The following SLC19A1 variants were observed in gnomAD, a reference collection of about 807,000 sequenced individuals.
The protein encoded by SLC19A1 is reduced folate transporter.
SLC19A1 carries 37 observed loss-of-function variants against 35.3 expected under a neutral mutation model. The ratio of observed to expected loss-of-function variants is 1.05; its 90% CI spans 0.81 to 1.38. SLC19A1 has a LOEUF of 1.38. Among genes scored for constraint, SLC19A1 ranks in the 40% most tolerant of loss-of-function variants. The pLI is 0.00. For missense variants in SLC19A1, 831 were observed against 826.9 expected, an observed-to-expected ratio of 1.00 and a Z score of -0.06; for synonymous variants, 460 against 398.5, an observed-to-expected ratio of 1.15 and a Z score of -1.84.
intron 1 of SLC19A1, among the ~76,000 whole-genome samples, chr21:45,561,413 G>A (rs1377128492): frequency 6.6e-6 from 1 of 152,198 alleles, no homozygotes; most frequent in East Asian, 1.9e-4. Context: ...GTCTCCCGGT[G>A]TTCCCACTCC....
intron 3 of SLC19A1, chr21:45,506,046 C>T (rs2037185116): frequency 1.2e-6 from 2 of 1,605,302 alleles, no homozygotes; most frequent in East Asian, 2.2e-5. Flanking sequence ...GCGAGAGGCT[C>T]AGGCCCCGGA....
chr21:45,560,335 G>A (rs371877574), intron 1 of SLC19A1, among the ~76,000 whole-genome samples: 1 of 149,684 alleles, frequency 6.7e-6, no homozygotes, highest in Admixed American at 6.7e-5. Context: ...CAGGCAAAGC[G>A]CACTGGGTGC....
In SLC19A1 at chr21:45,534,832, G is replaced by T; in HGVS notation, c.190-2684C>A. Reference sequence around the variant, plus strand: ...TCACAACGGTCCCAGCAGGGAGGTGGCATCTGTCAGGCGGCCACGACTCTG... The same window carrying T: ...TCACAACGGTCCCAGCAGGGAGGTGTCATCTGTCAGGCGGCCACGACTCTG... On this transcript the variant is annotated intron_variant, in intron 2 of 5. Coordinates refer to ENST00000311124, the MANE Select transcript of SLC19A1 (RefSeq NM_194255.4). This position sits in a 1 kb window ranked among gnomAD's most constrained non-coding sequence, Gnocchi z 4.2. 1.8e-6 allele frequency: 1 copy of T among 566,212 alleles called. No individual in the cohort carries two copies. Among genetic ancestry groups the T allele is most frequent in the Non-Finnish European group, 3.2e-6 (1 of 316,618 alleles). The allele number at this position is 566,212 out of a possible 1,614,324, so 35.1% of individuals were successfully genotyped here. A position where few individuals can be genotyped will look rare whatever the true frequency, so the allele number is the denominator to read the frequency against.
chr21:45,511,979 A>C (rs1354436309), downstream of SLC19A1, among the ~76,000 whole-genome samples: 3 of 152,078 alleles, frequency 2.0e-5, no homozygotes, highest in Admixed American at 6.5e-5. Context: ...TGTCTGGCAG[A>C]AGCAGCATGG....
chr21:45,507,673 A>C (rs1376833419), downstream of SLC19A1: 5 of 1,365,866 alleles, frequency 3.7e-6, no homozygotes, highest in Non-Finnish European at 3.1e-6. Flanking sequence ...TTGAGGAACA[A>C]CACGTGGTCC....
At chr21:45,503,078 A>C (rs1194171216) in intron 3 of SLC19A1, 1 of 152,198 alleles carries the variant, frequency 6.6e-6, no homozygotes. Flanking sequence ...TCCTTTGTGT[A>C]TATACCCAGT....
chr21:45,511,119 G>A (rs372684121), downstream of SLC19A1: 254 of 1,566,076 alleles, frequency 1.6e-4, no homozygotes, highest in Middle Eastern at 8.3e-4. Flanking sequence ...AGGACGAGCT[G>A]CTGTTTCCCA....
downstream of SLC19A1, among the ~76,000 whole-genome samples, chr21:45,508,392 G>A (rs2037365837): frequency 6.6e-6 from 1 of 150,832 alleles, no homozygotes; most frequent in Non-Finnish European, 1.5e-5. Context: ...TGGGCAGATG[G>A]ATGGTGGATA....
rs550351784 is a variant in SLC19A1 at position 45,514,951 on chromosome 21, G to A, written c.*707C>T. ...CAGTCCCCTCCGGGCTGGCACAAGTGTGGGAGCAGCTGAGGACCCGCAGGT... is the reference window on the plus strand; with the variant it reads ...CAGTCCCCTCCGGGCTGGCACAAGTATGGGAGCAGCTGAGGACCCGCAGGT... On this transcript the variant is annotated 3_prime_UTR_variant, in exon 6 of 6. Transcript: ENST00000311124. The A allele has an allele frequency of 5.3e-5, 78 of 1,462,570 alleles. No individual in the cohort carries two copies. The Middle Eastern group carries it at 8.9e-4, about 17-fold the overall frequency. The allele number at this position is 1,462,570 out of a possible 1,614,324, so 90.6% of individuals were successfully genotyped here. A position where few individuals can be genotyped will look rare whatever the true frequency, so the allele number is the denominator to read the frequency against.
In SLC19A1 at chr21:45,532,141, T is replaced by C; in HGVS notation, c.197A>G (p.Asn66Ser). 1 of 1,596,378 alleles carries C rather than the reference T, an allele frequency of 6.3e-7. No individual in the cohort carries two copies. The highest frequency in any genetic ancestry group is 8.6e-7 in the Non-Finnish European group (1 of 1,168,756). The change falls in exon 3 of 6, where the codon AAC becomes AGC. Residue 66 changes from asparagine to serine, a missense_variant. Asn to Ser is a conservative substitution (Grantham distance 46). Transcript: ENST00000311124. ...GTACGACAGCACCGGCGTGATCTCG[T>C]TCGTGACCTGCGGACAGGCGGGCGT... ...DKNFTREQVTNEITPVLSYSY... is the reference protein window; with the variant it reads ...DKNFTREQVTSEITPVLSYSY...
intron 3 of SLC19A1, chr21:45,505,155 C>CG: frequency 6.2e-7 from 1 of 1,608,844 alleles, no homozygotes; most frequent in Non-Finnish European, 8.5e-7. Flanking sequence ...AGAGAGCATC[C>CG]GGGGCCAGCC....
downstream of SLC19A1, chr21:45,512,270 G>A: frequency 1.9e-6 from 3 of 1,611,880 alleles, no homozygotes; most frequent in Non-Finnish European, 1.7e-6. Context: ...GCGGACGGAG[G>A]CTCCCTCGGC....
chr21:45,531,349 C>A, intron 3 of SLC19A1, 40 bp downstream of exon 3: 11 of 1,540,462 alleles, frequency 7.1e-6, no homozygotes, highest in Non-Finnish European at 9.6e-6. Context: ...GGACGGGAAG[C>A]CTCTGCGGGA....
chr21:45,510,414 G>T (rs2037510462), downstream of SLC19A1, among the ~76,000 whole-genome samples: 1 of 152,164 alleles, frequency 6.6e-6, no homozygotes. Flanking sequence ...CAGGCTCCGG[G>T]TGGGTCACAC....
chr21:45,543,787 C>T (rs2078379247), upstream of SLC19A1: 1 of 152,394 alleles, frequency 6.6e-6, no homozygotes, highest in Non-Finnish European at 1.5e-5. Flanking sequence ...CTGGAGGGAC[C>T]CCCTGCTTTG....
At chr21:45,522,552 A>G (rs1276572432) in intron 5 of SLC19A1, among the ~76,000 whole-genome samples, 2 of 152,228 alleles carry the variant, frequency 1.3e-5, no homozygotes, top group Non-Finnish European at 2.9e-5. Context: ...AAGAATGTCC[A>G]TAGCAGCTTT....
rs551229303 is a variant in SLC19A1, at chr21:45,503,351, T to C, written c.498-4739A>G. Among the ~76,000 whole-genome samples the C allele has an allele frequency of 2.0e-4, 31 of 152,242 alleles. No individual in the cohort carries two copies. The East Asian group carries it at 6.0e-3, about 29-fold the overall frequency. On this transcript the variant is annotated intron_variant, in intron 3 of 4. Transcript: ENST00000417954. The stretch of plus-strand genomic sequence containing the variant: ...GATGAGCATTTTTTCATGTGTTTTT[T>C]GGCTGCATAAATGTCTTCTTTTGAG...
In SLC19A1 at chr21:45,502,625, CG is replaced by C. The variant is rs551460479; in HGVS notation, c.498-4014del. On this transcript the variant is annotated intron_variant, in intron 3 of 4. Coordinates refer to the SLC19A1 transcript ENST00000417954. The stretch of plus-strand genomic sequence containing the variant: ...GCGAACAACATTCCTGCACCTCTGC[CG>C]GGACTGAGGAAAAGGAGAGAAGCAG... The C allele has an allele frequency of 2.6e-5, 4 of 152,232 alleles. No individual in the cohort carries two copies. In the South Asian group the frequency reaches 6.2e-4, roughly 24 times the overall value. The allele number at this position is 152,232 out of a possible 1,614,324, so 9.4% of individuals were successfully genotyped here.
chr21:45,558,085 G>A lies in SLC19A1; in HGVS notation c.-50+4657C>T, dbSNP rs139691206. Among the ~76,000 whole-genome samples, 849 of 152,370 alleles carry A rather than the reference G, an allele frequency of 5.6e-3. 7 individuals are homozygous for A. Among genetic ancestry groups the A allele is most frequent in the African/African-American group, 0.019 (795 of 41,600 alleles). ...TCCATATTCAGACAGCGGCGGCATC[G>A]TCTCCAAGCCTGGGCTCAGTGGTTA... On this transcript the variant is annotated intron_variant, in intron 1 of 5. Transcript: ENST00000650808.
Sources: allele counts gnomAD v4.1 joint callset (sites outside exome capture counted in the v4.1 genomes callset), GRCh38; gene constraint gnomAD v4.1.1; non-coding constraint Gnocchi (gnomAD v3.1); transcripts MANE v1.5; gene names NCBI Gene and HGNC (gene_info 2026-07-23, HGNC 2026-07-21).